Variants in NFXL1 observed in about 807,000 individuals in gnomAD.
NFXL1 encodes the protein NF-X1-type zinc finger protein NFXL1.
NFXL1 carries 66 observed loss-of-function variants against 123.3 expected under a neutral mutation model. That is an observed-to-expected ratio of 0.54 (90% confidence interval 0.44 to 0.66). NFXL1 has a LOEUF of 0.66. NFXL1 is among the 30% of genes least tolerant of loss of function. The pLI, the probability that NFXL1 is intolerant of heterozygous loss-of-function variation, is 0.00. For missense variants in NFXL1, 944 were observed against 1,125.6 expected (o/e 0.84, Z 2.31); for synonymous variants, 346 against 360.8 (o/e 0.96, Z 0.46).
At chr4:47,905,419 TA>T (rs1216117376) in intron 3 of NFXL1, 73 bp from the exon 4 acceptor site, 5 of 729,190 alleles carry the variant, frequency 6.9e-6, no homozygotes, top group Non-Finnish European at 9.8e-6. Context: ...AATAGCACCA[TA>T]TTATGTAAGA....
At chr4:47,863,608 G>T (rs1212302010) in intron 18 of NFXL1, among the ~76,000 whole-genome samples, 1 of 152,150 alleles carries the variant, frequency 6.6e-6, no homozygotes, top group Non-Finnish European at 1.5e-5. Flanking sequence ...CTCGAACTCA[G>T]GAGGCGGAGG....
Position 47,903,296 on chromosome 4 carries a change from T to A in NFXL1, c.544A>T (p.Ile182Leu). ...TTCTGGATACAGGGCATGTGAAATA[T>A]ACAGAAACATCCCGAACAGCTCCAA... is the stretch of plus-strand genomic sequence containing the variant. ...AVWSCSGCFC[I>L]FHMPCIQKWA... Residue 182 changes from isoleucine (I) to leucine (L), a missense_variant, in exon 5 of 23, where the codon ATA (isoleucine) becomes TTA (leucine). Ile to Leu is a conservative substitution (Grantham distance 5). Transcript: ENST00000507489. 7 of 1,589,306 alleles carry A rather than the reference T, an allele frequency of 4.4e-6. No individual in the cohort carries two copies. The highest frequency in any genetic ancestry group is 5.1e-6 in the Non-Finnish European group (6 of 1,168,656).
intron 12 of NFXL1, among the ~76,000 whole-genome samples, chr4:47,887,793 C>A (rs1417154052): frequency 6.6e-6 from 1 of 152,102 alleles, no homozygotes; most frequent in Non-Finnish European, 1.5e-5. Flanking sequence ...GGGACAATTT[C>A]TCTAAACAGT....
chr4:47,855,921 A>G (rs1341367380), intron 19 of NFXL1, among the ~76,000 whole-genome samples: 1 of 152,140 alleles, frequency 6.6e-6, no homozygotes, highest in Non-Finnish European at 1.5e-5. Context: ...TCCACACTTT[A>G]AGACATGACT....
intron 14 of NFXL1, among the ~76,000 whole-genome samples, chr4:47,884,667 T>C (rs1463643837): frequency 6.6e-6 from 1 of 152,180 alleles, no homozygotes; most frequent in Admixed American, 6.5e-5. Flanking sequence ...AGTTTATAAA[T>C]GGTAGAACAA....
At chr4:47,904,026 G>A (rs182358953) in intron 4 of NFXL1, among the ~76,000 whole-genome samples, 35 of 152,162 alleles carry the variant, frequency 2.3e-4, no homozygotes, top group African/African-American at 7.0e-4. Context: ...GTAGCATATC[G>A]CATGAGCTAA....
At chr4:47,905,112 C>T (rs1737505056) in intron 4 of NFXL1, 125 bp downstream of exon 4, 4 of 442,816 alleles carry the variant, frequency 9.0e-6, no homozygotes, top group African/African-American at 6.1e-5. Flanking sequence ...AATTCATATA[C>T]AAAATTCTCA....
At chr4:47,895,215 CA>C (rs1281148923) in intron 10 of NFXL1, among the ~76,000 whole-genome samples, 2 of 152,076 alleles carry the variant, frequency 1.3e-5, no homozygotes, top group Non-Finnish European at 2.9e-5. Context: ...AGAGCATAGG[CA>C]GACTAGATTT....
intron 9 of NFXL1, 74 bp from the exon 10 acceptor site, chr4:47,896,721 A>G: frequency 1.0e-6 from 1 of 982,060 alleles, no homozygotes; most frequent in Non-Finnish European, 1.5e-6. Context: ...CATGTTCTTC[A>G]GGCTCCCTAA....
chr4:47,889,030 T>G (rs1209712538), intron 12 of NFXL1, among the ~76,000 whole-genome samples: 1 of 152,222 alleles, frequency 6.6e-6, no homozygotes, highest in Admixed American at 6.5e-5. Context: ...CTTCCAACAC[T>G]TCTCCAGTAA....
chr4:47,860,466 G>A (rs1734702325), intron 19 of NFXL1, among the ~76,000 whole-genome samples: 3 of 152,180 alleles, frequency 2.0e-5, no homozygotes, highest in South Asian at 4.1e-4. Context: ...AGTGGAGCTG[G>A]AAGGATATGC....
chr4:47,914,216 GAAAAA>G lies in NFXL1; in HGVS notation c.-2-16_-2-12del. ...AGGAAGCTTCCATCCCTGCAAAGGAGAAAAAAAAAAAAAAGAGTGGAAGGAGGTGA... is the reference window on the plus strand; with the variant it reads ...AGGAAGCTTCCATCCCTGCAAAGGAGAAAAAAAAAGAGTGGAAGGAGGTGA... On this transcript the variant is annotated splice_polypyrimidine_tract_variant and intron_variant, in intron 1 of 22. Transcript: ENST00000507489. 8.5e-7 allele frequency: 1 copy of G among 1,182,692 alleles called. No individual in the cohort carries two copies. The highest frequency in any genetic ancestry group is 1.1e-6 in the Non-Finnish European group (1 of 889,790). 73.3% of individuals were successfully genotyped at this position (1,182,692 alleles called of 1,614,324 possible).
chr4:47,876,487 A>C (rs915032089), intron 17 of NFXL1, among the ~76,000 whole-genome samples: 17 of 152,250 alleles, frequency 1.1e-4, no homozygotes, highest in African/African-American at 3.4e-4. Context: ...TAACAGGATG[A>C]ACAGAGGCAG....
Position 47,903,180 on chromosome 4 carries a change from T to A in NFXL1, c.647+13A>T, listed in dbSNP as rs2110103387. On this transcript the variant is annotated intron_variant, in intron 5 of 22. Coordinates refer to ENST00000507489, the MANE Select transcript of NFXL1 (RefSeq NM_001278624.2). ...AAATAATAATAATAATCCAACTAAT[T>A]AGAAAAAGTTACCAAGGCCAGGGAC... The A allele has an allele frequency of 6.4e-7, 1 of 1,552,718 alleles. No homozygotes were observed. The highest frequency in any genetic ancestry group is 2.4e-5 in the East Asian group (1 of 42,450).
chr4:47,903,140 C>T (rs1317707637), intron 5 of NFXL1, 53 bp downstream of exon 5: 5 of 1,368,690 alleles, frequency 3.7e-6, no homozygotes, highest in Admixed American at 4.6e-5. Flanking sequence ...GTGACAAGAG[C>T]AAAACTCCAT....
In NFXL1 at chr4:47,914,213, G is replaced by GAA; in HGVS notation, c.-2-9_-2-8insTT. The stretch of plus-strand genomic sequence containing the variant: ...GCCAGGAAGCTTCCATCCCTGCAAA[G>GAA]GAGAAAAAAAAAAAAAAGAGTGGAA... On this transcript the variant is annotated splice_polypyrimidine_tract_variant and intron_variant, in intron 1 of 22. Transcript: ENST00000507489. 2 of 1,440,040 alleles carry GAA rather than the reference G, an allele frequency of 1.4e-6. No homozygotes were observed. Among genetic ancestry groups the GAA allele is most frequent in the Non-Finnish European group, 1.8e-6 (2 of 1,095,642 alleles). The allele number at this position is 1,440,040 out of a possible 1,614,324, so 89.2% of individuals were successfully genotyped here.
Position 47,897,851 on chromosome 4 carries a change from C to T in NFXL1, c.1204+116G>A, listed in dbSNP as rs1407755623. 9 of 601,320 alleles carry T rather than the reference C, an allele frequency of 1.5e-5. No homozygotes were observed. The Admixed American group carries it at 3.3e-4, about 22-fold the overall frequency. The allele number at this position is 601,320 out of a possible 1,614,324, so 37.2% of individuals were successfully genotyped here. On this transcript the variant is annotated intron_variant, in intron 9 of 22. Transcript: ENST00000507489. ...GCTTAAATTTTGTAGCTTTTTCAGA[C>T]TGGCTTCTTTCATTTAGTAATATGC...
intron 18 of NFXL1, among the ~76,000 whole-genome samples, chr4:47,871,269 C>T (rs560544804): frequency 1.1e-4 from 16 of 150,842 alleles, no homozygotes; most frequent in African/African-American, 3.2e-4. Context: ...AGGAGAATGG[C>T]GTGAACCTGG....
chr4:47,905,177 G>A (rs946992435), intron 4 of NFXL1, 60 bp downstream of exon 4: 8 of 671,526 alleles, frequency 1.2e-5, no homozygotes, highest in Non-Finnish European at 1.8e-5. Context: ...GTTAAGTATT[G>A]TAAGGCAAAC....
Sources: gnomAD v4.1 joint callset for allele counts (sites outside exome capture counted in the v4.1 genomes callset) on GRCh38, gnomAD v4.1.1 for gene constraint, MANE v1.5 for transcripts, NCBI Gene and HGNC (gene_info 2026-07-23, HGNC 2026-07-21) for gene names.